Variants in ST6GALNAC5 observed in about 807,000 individuals in gnomAD.
ST6GALNAC5 encodes the protein alpha-N-acetylgalactosaminide alpha-2,6-sialyltransferase 5.
A neutral mutation model predicts 33.6 loss-of-function variants in ST6GALNAC5; 27 were observed. The observed-to-expected ratio is 0.80, with a 90% CI of 0.59 to 1.11. The LOEUF is 1.11. Among genes scored for constraint, ST6GALNAC5 ranks in the 50% least tolerant of loss-of-function variants. The probability of loss-of-function intolerance (pLI) is 0.00; values close to 1 mark genes in which losing one functional copy is unlikely to be tolerated. For synonymous variants in ST6GALNAC5, 194 were observed against 171.2 expected (o/e 1.13, Z -1.04); for missense variants, 428 against 454.0 (o/e 0.94, Z 0.52).
At chr1:76,991,244 C>G (rs2100395831) in intron 2 of ST6GALNAC5, among the ~76,000 whole-genome samples, 1 of 152,204 alleles carries the variant, frequency 6.6e-6, no homozygotes, top group East Asian at 1.9e-4. Flanking sequence ...AATTTCAAAG[C>G]TATTTTATTC....
intron 2 of ST6GALNAC5, among the ~76,000 whole-genome samples, chr1:76,949,345 G>A (rs557474980): frequency 2.0e-5 from 3 of 152,268 alleles, no homozygotes; most frequent in African/African-American, 7.2e-5. Context: ...GCCTGTTTGG[G>A]CCTGTTTGGG....
At chr1:76,943,745 T>A (rs1647414763) in intron 2 of ST6GALNAC5, among the ~76,000 whole-genome samples, 1 of 152,136 alleles carries the variant, frequency 6.6e-6, no homozygotes, top group Non-Finnish European at 1.5e-5. Context: ...ACATGAAAGT[T>A]TAACTGGAAT....
rs6666520 is a variant in ST6GALNAC5 at position 76,995,745 on chromosome 1, T to C, written c.262-48459T>C. ...TCAGCACACACTTAGAACCTCCGTT[T>C]TGGGTAATGTAGTTATTACCAACAT... On this transcript the variant is annotated intron_variant, in intron 2 of 4. Coordinates refer to ENST00000477717, the MANE Select transcript of ST6GALNAC5 (RefSeq NM_030965.3). 3.5e-3 allele frequency among the ~76,000 whole-genome samples: 533 copies of C among 152,226 alleles called. 3 individuals carry two copies. The highest frequency in any genetic ancestry group is 0.012 in the African/African-American group (519 of 41,560).
chr1:76,981,528 A>G (rs1032379770), intron 2 of ST6GALNAC5, among the ~76,000 whole-genome samples: 5 of 152,118 alleles, frequency 3.3e-5, no homozygotes, highest in African/African-American at 9.6e-5. Flanking sequence ...GACAAGACCT[A>G]CTGCCTCTAG....
rs34309736 is a variant in ST6GALNAC5 at position 76,936,953 on chromosome 1, GGTGT to G, written c.261+68244_261+68247del. ...AGTCAGGAGACTGGAAGAGAAGCAGGGTGTGTGTGTGTGTGTGTGTGTGTGTGTG... is the reference window on the plus strand; with the variant it reads ...AGTCAGGAGACTGGAAGAGAAGCAGGGTGTGTGTGTGTGTGTGTGTGTGTG... On this transcript the variant is annotated intron_variant, in intron 2 of 4. Transcript: ENST00000477717. 5.9e-3 allele frequency among the ~76,000 whole-genome samples: 824 copies of G among 140,038 alleles called. 9 individuals carry two copies. Among genetic ancestry groups the G allele is most frequent in the Middle Eastern group, 0.014 (4 of 276 alleles). 91.9% of individuals were successfully genotyped at this position (140,038 alleles called of 152,430 possible).
At chr1:76,876,093 A>C (rs1029724983) in intron 2 of ST6GALNAC5, among the ~76,000 whole-genome samples, 10 of 152,236 alleles carry the variant, frequency 6.6e-5, no homozygotes, top group Non-Finnish European at 1.2e-4. Context: ...TGTGTGCAGG[A>C]TAGGCAAACA....
chr1:77,016,865 T>A lies in ST6GALNAC5; in HGVS notation c.262-27339T>A, dbSNP rs1033031925. Among the ~76,000 whole-genome samples, 4 of 152,174 alleles carry A rather than the reference T, an allele frequency of 2.6e-5. No individual in the cohort carries two copies. The East Asian group carries it at 7.7e-4, about 29-fold the overall frequency. ...AACTTCTTCAATCTTCCCTTTTTAA[T>A]TGGGTGAAAGTAATGTACTCCTAAT... is the stretch of plus-strand genomic sequence containing the variant. On this transcript the variant is annotated intron_variant, in intron 2 of 4. Transcript: ENST00000477717.
chr1:77,007,153 A>G (rs1452754650), intron 2 of ST6GALNAC5, among the ~76,000 whole-genome samples: 2 of 152,238 alleles, frequency 1.3e-5, no homozygotes, highest in Non-Finnish European at 2.9e-5. Flanking sequence ...ACAGCGAGGC[A>G]GAAAAAGAGC....
intron 2 of ST6GALNAC5, among the ~76,000 whole-genome samples, chr1:77,005,922 C>A (rs1480131211): frequency 6.6e-6 from 1 of 152,206 alleles, no homozygotes; most frequent in Non-Finnish European, 1.5e-5. Context: ...CCATGTTATA[C>A]ACATTTTGTT....
Position 76,877,543 on chromosome 1 carries a change from A to G in ST6GALNAC5, c.261+8801A>G, listed in dbSNP as rs560270422. The stretch of plus-strand genomic sequence containing the variant: ...TGCAGCAACTCATCCTTCACCTTAG[A>G]AGGAATATCTCAACAGGCCCCTCAC... On this transcript the variant is annotated intron_variant, in intron 2 of 4. Transcript: ENST00000477717. Among the ~76,000 whole-genome samples the G allele has an allele frequency of 2.8e-4, 43 of 152,272 alleles. 1 individual carries two copies. The highest frequency in any genetic ancestry group is 8.7e-4 in the African/African-American group (36 of 41,546).
chr1:76,934,293 A>G (rs931722144), intron 2 of ST6GALNAC5, among the ~76,000 whole-genome samples: 1 of 152,058 alleles, frequency 6.6e-6, no homozygotes, highest in African/African-American at 2.4e-5. Flanking sequence ...CTTGTTCTCA[A>G]TGCAAATGGA....
chr1:77,053,887 C>G (rs1483701673), intron 4 of ST6GALNAC5, among the ~76,000 whole-genome samples: 2 of 152,148 alleles, frequency 1.3e-5, no homozygotes, highest in Non-Finnish European at 2.9e-5. Context: ...GTGTGCCTGG[C>G]CTTTCTACAG....
At chr1:76,879,912 C>T (rs115936460) in intron 2 of ST6GALNAC5, among the ~76,000 whole-genome samples, 53 of 152,304 alleles carry the variant, frequency 3.5e-4, no homozygotes, top group African/African-American at 1.2e-3. Context: ...TGAGGCTGTG[C>T]ATGCACCTTT....
intron 3 of ST6GALNAC5, among the ~76,000 whole-genome samples, chr1:77,047,150 A>T (rs144108004): frequency 7.2e-5 from 11 of 152,272 alleles, no homozygotes; most frequent in Middle Eastern, 3.4e-3. Flanking sequence ...GGGGAATCAC[A>T]CTTATGAATG....
rs1570154436 is a variant in ST6GALNAC5 at position 77,063,476 on chromosome 1, A to G, written c.*270A>G. The G allele has an allele frequency of 2.2e-6, 1 of 445,128 alleles. No homozygotes were observed. The highest frequency in any genetic ancestry group is 3.9e-5 in the East Asian group (1 of 25,734). The allele number at this position is 445,128 out of a possible 1,614,324, so 27.6% of individuals were successfully genotyped here. A position where few individuals can be genotyped will look rare whatever the true frequency, so the allele number is the denominator to read the frequency against. ...TCAATTCAGTTACACCACTATGACTAAAAACAGTTTGGATCTCTTAGTATT... is the reference window on the plus strand; with the variant it reads ...TCAATTCAGTTACACCACTATGACTGAAAACAGTTTGGATCTCTTAGTATT... On this transcript the variant is annotated 3_prime_UTR_variant, in exon 5 of 5. Transcript: ENST00000477717.
At chr1:76,906,817 G>A (rs906051400) in intron 2 of ST6GALNAC5, among the ~76,000 whole-genome samples, 5 of 152,058 alleles carry the variant, frequency 3.3e-5, no homozygotes, top group African/African-American at 7.2e-5. Flanking sequence ...TGAATGCCCC[G>A]TAGGTACTTT....
chr1:76,982,003 A>G (rs1204171879), intron 2 of ST6GALNAC5, among the ~76,000 whole-genome samples: 2 of 152,194 alleles, frequency 1.3e-5, no homozygotes, highest in Non-Finnish European at 2.9e-5. Flanking sequence ...AACCCCATCC[A>G]TAGGTAACCA....
Position 77,044,330 on chromosome 1 carries a change from G to T in ST6GALNAC5, c.388G>T (p.Gly130Cys), listed in dbSNP as rs1475566953. The T allele has an allele frequency of 1.2e-6, 2 of 1,613,818 alleles. No individual in the cohort carries two copies. The highest frequency in any genetic ancestry group is 1.7e-6 in the Non-Finnish European group (2 of 1,180,028). ...CCGCATGAATGACGCCCCCACACGC[G>T]GCTATGGGCGTGACGTGGGCAATCG... is the stretch of plus-strand genomic sequence containing the variant. ...VIRMNDAPTR[G>C]YGRDVGNRTS... is the part of the protein sequence containing the mutation. The change falls in exon 3 of 5, where the codon GGC (glycine) becomes TGC (cysteine). Residue 130 changes from glycine (G) to cysteine (C), a missense_variant. Physicochemically the swap from Gly to Cys is radical, Grantham distance 159. Transcript: ENST00000477717.
chr1:76,935,059 T>G (rs1018772205), intron 2 of ST6GALNAC5, among the ~76,000 whole-genome samples: 1 of 152,116 alleles, frequency 6.6e-6, no homozygotes, highest in African/African-American at 2.4e-5. Context: ...ATAAACATTT[T>G]TATTTATTTG....
Sources: gnomAD v4.1 joint callset for allele counts (sites outside exome capture counted in the v4.1 genomes callset) on GRCh38, gnomAD v4.1.1 for gene constraint, MANE v1.5 for transcripts, NCBI Gene and HGNC (gene_info 2026-07-23, HGNC 2026-07-21) for gene names.